POFUT3: variants seen among roughly 807,000 people sequenced by gnomAD.
POFUT3 encodes GDP-fucose protein O-fucosyltransferase 3.
At chr8:33,412,582 A>C in the POFUT3 span, among the ~76,000 whole-genome samples, 2 of 152,124 alleles carry the variant, frequency 1.3e-5, no homozygotes, top group Admixed American at 6.6e-5. Flanking sequence ...TCAAGCGAAA[A>C]GCTCTCATAT....
chr8:33,316,475 C>T, the POFUT3 span, among the ~76,000 whole-genome samples: 1 of 151,820 alleles, frequency 6.6e-6, no homozygotes, highest in African/African-American at 2.4e-5. Flanking sequence ...AATCCCAGCA[C>T]TTTGGGAGGC....
the POFUT3 span, chr8:33,436,506 G>T: frequency 3.3e-6 from 4 of 1,220,654 alleles, no homozygotes; most frequent in Non-Finnish European, 4.8e-6. Context: ...CTTCCACACT[G>T]ATGTTTACCC....
chr8:33,344,392 G>GT, the POFUT3 span, among the ~76,000 whole-genome samples: 8 of 152,116 alleles, frequency 5.3e-5, no homozygotes, highest in African/African-American at 1.9e-4. Context: ...GAATAACCAC[G>GT]TATCGATGGT....
the POFUT3 span, among the ~76,000 whole-genome samples, chr8:33,353,557 T>C: frequency 6.6e-6 from 1 of 152,208 alleles, no homozygotes; most frequent in East Asian, 1.9e-4. Flanking sequence ...TCCTTGTTTT[T>C]CGTGCCCTTC....
chr8:33,360,293 A>C, the POFUT3 span, among the ~76,000 whole-genome samples: 3 of 151,630 alleles, frequency 2.0e-5, no homozygotes, highest in Non-Finnish European at 2.9e-5. Context: ...AAATACAAAA[A>C]TAATTAGCCG....
At chr8:33,468,014 C>A in the POFUT3 span, among the ~76,000 whole-genome samples, 10 of 151,998 alleles carry the variant, frequency 6.6e-5, no homozygotes, top group Non-Finnish European at 1.5e-4. Context: ...CCAAGGTGGG[C>A]GGATCACCTA....
the POFUT3 span, among the ~76,000 whole-genome samples, chr8:33,365,198 C>T: frequency 1.3e-5 from 2 of 152,038 alleles, no homozygotes; most frequent in African/African-American, 4.8e-5. Flanking sequence ...GGAAAACTGG[C>T]TAGCTATATG....
At chr8:33,309,160 A>T in the POFUT3 span, among the ~76,000 whole-genome samples, 28 of 48,888 alleles carry the variant, frequency 5.7e-4, no homozygotes, top group African/African-American at 3.4e-3. Context: ...AAAAAAAAAA[A>T]AAAAAAAATA....
chr8:33,319,164 TATA>T, the POFUT3 span, among the ~76,000 whole-genome samples: 3 of 51,688 alleles, frequency 5.8e-5, no homozygotes, highest in African/African-American at 2.4e-4. Flanking sequence ...ATATTTTACA[TATA>T]TTTATATATT....
At chr8:33,451,045 C>T in the POFUT3 span, among the ~76,000 whole-genome samples, 2 of 147,168 alleles carry the variant, frequency 1.4e-5, no homozygotes, top group African/African-American at 5.1e-5. Context: ...AAAAAAAGTA[C>T]AGTACACACA....
the POFUT3 span, among the ~76,000 whole-genome samples, chr8:33,431,275 G>A: frequency 3.3e-5 from 5 of 151,538 alleles, no homozygotes; most frequent in South Asian, 2.1e-4. Flanking sequence ...GGCCAGGCAC[G>A]GTGGCTCACA....
At chr8:33,435,632 C>T in the POFUT3 span, among the ~76,000 whole-genome samples, 2 of 151,818 alleles carry the variant, frequency 1.3e-5, no homozygotes, top group African/African-American at 4.8e-5. Context: ...TCTCCTGCCT[C>T]GGCTACCTGA....
chr8:33,422,458 T>C, the POFUT3 span, among the ~76,000 whole-genome samples: 2 of 148,690 alleles, frequency 1.3e-5, no homozygotes. Flanking sequence ...GGCAAGAGAA[T>C]TGCTTGAACC....
At chr8:33,357,706 C>A in the POFUT3 span, among the ~76,000 whole-genome samples, 3 of 151,988 alleles carry the variant, frequency 2.0e-5, no homozygotes, top group African/African-American at 7.3e-5. Context: ...CGTGCACATA[C>A]ACATGCAGAA....
the POFUT3 span, among the ~76,000 whole-genome samples, chr8:33,435,270 G>A: frequency 2.0e-5 from 3 of 147,296 alleles, no homozygotes; most frequent in East Asian, 6.1e-4. Context: ...CAGGCTGGAG[G>A]GCAGTGGCGT....
chr8:33,364,766 G>A, the POFUT3 span, among the ~76,000 whole-genome samples: 2 of 152,116 alleles, frequency 1.3e-5, no homozygotes, highest in Non-Finnish European at 2.9e-5. Flanking sequence ...AATAAAAGAG[G>A]ACACAAACGA....
the POFUT3 span, among the ~76,000 whole-genome samples, chr8:33,358,812 G>A: frequency 1.5e-3 from 229 of 151,868 alleles, no homozygotes; most frequent in Non-Finnish European, 2.7e-3. Context: ...AAACCAGCCT[G>A]GGCGACATGG....
chr8:33,383,218 C>T, the POFUT3 span, among the ~76,000 whole-genome samples: 9 of 152,256 alleles, frequency 5.9e-5, no homozygotes, highest in South Asian at 1.9e-3. Flanking sequence ...CCCTCCAACC[C>T]TCTAGGACTG....
the POFUT3 span, chr8:33,436,389 G>A: frequency 2.8e-5 from 40 of 1,406,048 alleles, no homozygotes; most frequent in Admixed American, 1.4e-4. Context: ...TTCAACGACC[G>A]TCTGGACCAT....
Sources: gnomAD v4.1 joint callset for allele counts (sites outside exome capture counted in the v4.1 genomes callset) on GRCh38, gnomAD v4.1.1 for gene constraint, MANE v1.5 for transcripts, NCBI Gene and HGNC (gene_info 2026-07-23, HGNC 2026-07-21) for gene names.